SLC35F4: variants seen among roughly 807,000 people sequenced by gnomAD.
The protein encoded by SLC35F4 is solute carrier family 35 member F4, also known as chromosome 14 open reading frame 36.
In SLC35F4, 24 loss-of-function variants were observed where a neutral mutation model predicts 44.2. The ratio of observed to expected loss-of-function variants is 0.54; its 90% confidence interval spans 0.39 to 0.76. The LOEUF is 0.76. SLC35F4 is among the 30% of genes least tolerant of loss of function. The pLI is 0.00. For synonymous variants in SLC35F4, 238 were observed against 223.6 expected (o/e 1.06, Z -0.57); for missense variants, 562 against 586.1 (o/e 0.96, Z 0.42).
intron 1 of SLC35F4, among the ~76,000 whole-genome samples, chr14:57,641,227 C>T (rs1415986293): frequency 3.3e-5 from 5 of 151,956 alleles, no homozygotes; most frequent in Non-Finnish European, 5.9e-5. Context: ...TGATCATAAA[C>T]ACGCTAACTT....
In SLC35F4 at chr14:57,742,853, G is replaced by C. The variant is rs147174080; in HGVS notation, c.103+122870C>G. 4.3e-3 allele frequency among the ~76,000 whole-genome samples: 649 copies of C among 152,074 alleles called. 3 individuals carry two copies. Among genetic ancestry groups the C allele is most frequent in the Non-Finnish European group, 7.0e-3 (473 of 67,932 alleles). ...GCACTCCTCAGCAAATGTAAAAGAA[G>C]AGAAATTATAACAAACTGTCTCTCA... On this transcript the variant is annotated intron_variant, in intron 1 of 7. Coordinates refer to ENST00000556826, the MANE Select transcript of SLC35F4 (RefSeq NM_001306087.2).
intron 2 of SLC35F4, among the ~76,000 whole-genome samples, chr14:57,593,589 A>C (rs1024406916): frequency 6.6e-6 from 1 of 152,188 alleles, no homozygotes; most frequent in South Asian, 2.1e-4. Context: ...CAGGATGGGT[A>C]CATTGTGCTG....
At chr14:57,943,708 C>T (rs990260076) in intron 1 of SLC35F4, among the ~76,000 whole-genome samples, 1 of 152,212 alleles carries the variant, frequency 6.6e-6, no homozygotes, top group Non-Finnish European at 1.5e-5. Context: ...CCCAGCTGAA[C>T]TTCTTCTGTA....
Position 57,937,580 on chromosome 14 carries a change from A to AGAAAG in SLC35F4, n.282+44332_282+44333insCTTTC, listed in dbSNP as rs1331498588. On this transcript the variant is annotated intron_variant and non_coding_transcript_variant, in intron 1 of 1. Coordinates refer to the SLC35F4 transcript ENST00000556568. ...GAAAGAAAAGAAAAGAAAAGAGAAA[A>AGAAAG]GAAAAGAAAGAAAAGAAAAGAAAAG... 3.7e-4 allele frequency among the ~76,000 whole-genome samples: 48 copies of AGAAAG among 128,328 alleles called. 2 individuals are homozygous for AGAAAG. Among genetic ancestry groups the AGAAAG allele is most frequent in the African/African-American group, 1.3e-3 (45 of 35,822 alleles). The allele number at this position is 128,328 out of a possible 152,430, so 84.2% of individuals were successfully genotyped here. A position where few individuals can be genotyped will look rare whatever the true frequency, so the allele number is the denominator to read the frequency against.
chr14:57,680,591 A>G (rs1228449583), intron 1 of SLC35F4, among the ~76,000 whole-genome samples: 1 of 152,138 alleles, frequency 6.6e-6, no homozygotes, highest in Admixed American at 6.5e-5. Context: ...GTCTGTTTGC[A>G]GATGACATGA....
In SLC35F4 at chr14:57,815,286, T is replaced by C. The variant is rs117440105; in HGVS notation, c.103+50437A>G. On this transcript the variant is annotated intron_variant, in intron 1 of 7. Transcript: ENST00000556826. ...AAGACATCTCAAATTAATTAGGGTGTTTTTTAGCATTTGTGTAATTGACTC... is the reference window on the plus strand; with the variant it reads ...AAGACATCTCAAATTAATTAGGGTGCTTTTTAGCATTTGTGTAATTGACTC... Among the ~76,000 whole-genome samples the C allele has an allele frequency of 7.9e-4, 120 of 152,308 alleles. No homozygotes were observed. The Middle Eastern group carries it at 0.01, about 13-fold the overall frequency.
At chr14:57,769,340 T>C (rs548140352) in intron 1 of SLC35F4, among the ~76,000 whole-genome samples, 6 of 152,226 alleles carry the variant, frequency 3.9e-5, no homozygotes, top group African/African-American at 9.6e-5. Flanking sequence ...CTAACGTGCA[T>C]GTTTTCCTTG....
chr14:57,633,536 T>G (rs888562888), intron 1 of SLC35F4, among the ~76,000 whole-genome samples: 1 of 152,138 alleles, frequency 6.6e-6, no homozygotes, highest in Non-Finnish European at 1.5e-5. Flanking sequence ...AATTTTAGAC[T>G]CACATAAAAG....
chr14:57,957,076 G>A (rs1890250968), intron 1 of SLC35F4, among the ~76,000 whole-genome samples: 2 of 152,144 alleles, frequency 1.3e-5, no homozygotes, highest in South Asian at 2.1e-4. Flanking sequence ...TAAAGAAAAC[G>A]TGGCACATAT....
intron 1 of SLC35F4, among the ~76,000 whole-genome samples, chr14:57,599,266 A>C (rs2070673626): frequency 6.6e-6 from 1 of 152,226 alleles, no homozygotes; most frequent in Non-Finnish European, 1.5e-5. Flanking sequence ...AAAGGTGGTC[A>C]AGGTATAGGG....
At chr14:57,902,896 G>A (rs1378579321) in intron 1 of SLC35F4, among the ~76,000 whole-genome samples, 1 of 151,996 alleles carries the variant, frequency 6.6e-6, no homozygotes, top group Non-Finnish European at 1.5e-5. Flanking sequence ...TCTTAAATGG[G>A]ACCCCATCAG....
At chr14:57,572,675 A>G (rs1035402719) in intron 4 of SLC35F4, among the ~76,000 whole-genome samples, 2 of 152,264 alleles carry the variant, frequency 1.3e-5, no homozygotes, top group African/African-American at 4.8e-5. Context: ...AAAACCACTG[A>G]AAGATAATTT....
chr14:57,849,346 G>A (rs1886335329), intron 1 of SLC35F4, among the ~76,000 whole-genome samples: 1 of 152,034 alleles, frequency 6.6e-6, no homozygotes, highest in Non-Finnish European at 1.5e-5. Flanking sequence ...ATTTTTAGTA[G>A]AGATGGGGTT....
At chr14:57,647,221 G>C (rs184591220) in intron 1 of SLC35F4, among the ~76,000 whole-genome samples, 1 of 150,776 alleles carries the variant, frequency 6.6e-6, no homozygotes, top group Admixed American at 6.6e-5. Flanking sequence ...TGACGGTGGG[G>C]TGTTAAAGTC....
intron 1 of SLC35F4, among the ~76,000 whole-genome samples, chr14:57,851,059 A>G (rs1444019390): frequency 6.6e-6 from 1 of 152,186 alleles, no homozygotes; most frequent in Non-Finnish European, 1.5e-5. Context: ...CAACATTTTT[A>G]GAAGGTGTTA....
chr14:57,730,302 T>C (rs2076313594), intron 1 of SLC35F4, among the ~76,000 whole-genome samples: 1 of 152,200 alleles, frequency 6.6e-6, no homozygotes, highest in Admixed American at 6.5e-5. Flanking sequence ...TCTTTCTCCA[T>C]CTTCTCATCT....
At chr14:57,667,677 T>C (rs1031681923) in intron 1 of SLC35F4, among the ~76,000 whole-genome samples, 8 of 152,052 alleles carry the variant, frequency 5.3e-5, no homozygotes, top group East Asian at 1.9e-4. Context: ...TCCTTGTTTA[T>C]GGCTGCAGAG....
intron 1 of SLC35F4, among the ~76,000 whole-genome samples, chr14:57,876,675 C>T (rs148843852): frequency 1.9e-4 from 29 of 152,212 alleles, no homozygotes; most frequent in African/African-American, 6.5e-4. Flanking sequence ...TTGAGAAATG[C>T]ATGTTTTTGC....
intron 1 of SLC35F4, among the ~76,000 whole-genome samples, chr14:57,916,870 T>C (rs1005100825): frequency 1.3e-5 from 2 of 152,210 alleles, no homozygotes; most frequent in African/African-American, 4.8e-5. Context: ...GTTTCTATTG[T>C]CAATCCTCAA....
Sources: allele counts gnomAD v4.1 joint callset (sites outside exome capture counted in the v4.1 genomes callset), GRCh38; gene constraint gnomAD v4.1.1; transcripts MANE v1.5; gene names NCBI Gene and HGNC (gene_info 2026-07-23, HGNC 2026-07-21).